S100B: variants seen among roughly 807,000 people sequenced by gnomAD.
S100B encodes S100 calcium binding protein B, also known as protein S100-B.
A neutral mutation model predicts 7.7 loss-of-function variants in S100B; 6 were observed. The ratio of observed to expected loss-of-function variants is 0.78; its 90% confidence interval spans 0.43 to 1.54. S100B has a LOEUF of 1.54. Among genes scored for constraint, S100B ranks in the 40% most tolerant of loss-of-function variants. The probability of loss-of-function intolerance (pLI) is 0.01; values close to 1 mark genes in which losing one functional copy is unlikely to be tolerated. For synonymous variants in S100B, 36 were observed against 40.4 expected (o/e 0.89, Z 0.41); for missense variants, 99 against 111.8 (o/e 0.89, Z 0.52).
At chr21:46,604,085 T>G (rs2061050720) in intron 1 of S100B, among the ~76,000 whole-genome samples, 1 of 152,226 alleles carries the variant, frequency 6.6e-6, no homozygotes, top group African/African-American at 2.4e-5. Flanking sequence ...CTAATGGGAT[T>G]ATTACAAAGG....
At chr21:46,602,617 G>A in intron 1 of S100B, 1 of 521,040 alleles carries the variant, frequency 1.9e-6, no homozygotes, top group Non-Finnish European at 3.3e-6. Context: ...CGGCCTCTTA[G>A]ACAGCTGTGG....
Position 46,599,353 on chromosome 21 carries a change from C to G in S100B, c.*10G>C, listed in dbSNP as rs1569136728. The G allele has an allele frequency of 6.2e-7, 1 of 1,612,866 alleles. No homozygotes were observed. The highest frequency in any genetic ancestry group is 8.5e-7 in the Non-Finnish European group (1 of 1,179,528). On this transcript the variant is annotated 3_prime_UTR_variant, in exon 3 of 3. Coordinates refer to ENST00000291700, the MANE Select transcript of S100B (RefSeq NM_006272.3). ...CTCTGTTACAGGAAAGGTTTGGCTG[C>G]TTTCTAATCTCACTCATGTTCAAAG... is the stretch of plus-strand genomic sequence containing the variant.
rs564547722 is a variant in S100B at position 46,602,323 on chromosome 21, G to C, written c.93C>G (p.Ser31=). ...CATTGTTGATGAGCTCCTTCAGTTC[G>C]GATTTCTTCAGCTTGTGCTTGTCTC... The part of the protein sequence containing the change: ...REGDKHKLKK[S]ELKELINNEL... The change falls in exon 2 of 3, where the codon TCC becomes TCG. Residue 31 remains serine (S), a synonymous_variant. Transcript: ENST00000291700. 9 of 1,613,752 alleles carry C rather than the reference G, an allele frequency of 5.6e-6. No homozygotes were observed. The African/African-American group carries it at 9.3e-5, about 17-fold the overall frequency.
At chr21:46,600,879 T>C (rs2061039518) in intron 2 of S100B, among the ~76,000 whole-genome samples, 1 of 152,216 alleles carries the variant, frequency 6.6e-6, no homozygotes, top group African/African-American at 2.4e-5. Flanking sequence ...ACAGCCCTTG[T>C]TCAGAAGAAG....
At chr21:46,604,610 C>T (rs2061052294) in intron 1 of S100B, among the ~76,000 whole-genome samples, 1 of 152,180 alleles carries the variant, frequency 6.6e-6, no homozygotes, top group African/African-American at 2.4e-5. Flanking sequence ...AAAAGGGAAG[C>T]ATTTATTTAT....
intron 1 of S100B, among the ~76,000 whole-genome samples, chr21:46,604,763 A>AACCTG (rs2061052760): frequency 6.6e-6 from 1 of 152,152 alleles, no homozygotes; most frequent in Non-Finnish European, 1.5e-5. Context: ...TGGGCCATGA[A>AACCTG]ACCTGACGTT....
chr21:46,601,048 T>C (rs80106556), intron 2 of S100B, among the ~76,000 whole-genome samples: 7,053 of 152,212 alleles, frequency 0.046, 214 homozygotes, highest in Non-Finnish European at 0.061. Flanking sequence ...CAGGCCTGTC[T>C]GCTCCACTCT....
At position 46,603,392 on chromosome 21, in the gene S100B, A is replaced by AGGGGGTGGGGGGAGGGGGGAGGCGGGGGG. The variant is rs796474856; in HGVS notation, c.-1-977_-1-976insCCCCCCGCCTCCCCCCTCCCCCCACCCCC. Among the ~76,000 whole-genome samples, 160 of 38,224 alleles carry AGGGGGTGGGGGGAGGGGGGAGGCGGGGGG rather than the reference A, an allele frequency of 4.2e-3. 1 individual carries two copies. Among genetic ancestry groups the AGGGGGTGGGGGGAGGGGGGAGGCGGGGGG allele is most frequent in the Admixed American group, 5.4e-3 (16 of 2,940 alleles). 25.1% of individuals were successfully genotyped at this position (38,224 alleles called of 152,430 possible). A position where few individuals can be genotyped will look rare whatever the true frequency, so the allele number is the denominator to read the frequency against. On this transcript the variant is annotated intron_variant, in intron 1 of 2. Coordinates refer to ENST00000291700, the MANE Select transcript of S100B (RefSeq NM_006272.3). Reference sequence around the variant, plus strand: ...TCACTGCAGTGACTGGGACGGCGGGAGGGGGTGGGGGCAGGAATAGGTGTT... The same window carrying AGGGGGTGGGGGGAGGGGGGAGGCGGGGGG: ...TCACTGCAGTGACTGGGACGGCGGGAGGGGGTGGGGGGAGGGGGGAGGCGGGGGGGGGGGTGGGGGCAGGAATAGGTGTT...
chr21:46,603,838 T>C (rs2061050070), intron 1 of S100B, among the ~76,000 whole-genome samples: 1 of 152,252 alleles, frequency 6.6e-6, no homozygotes, highest in Non-Finnish European at 1.5e-5. Context: ...TATTTTGCTC[T>C]TGAGTCCCTA....
Position 46,599,090 on chromosome 21 carries a change from A to G in S100B, c.*273T>C, listed in dbSNP as rs1223398809. On this transcript the variant is annotated 3_prime_UTR_variant, in exon 3 of 3. Transcript: ENST00000291700. ...TGGCGGGCTGCACGGTGCACGCTTT[A>G]TCACTGAGACCTGACTCCTAAGTTA... The G allele has an allele frequency of 2.1e-6, 1 of 475,448 alleles. No homozygotes were observed. The highest frequency in any genetic ancestry group is 3.7e-6 in the Non-Finnish European group (1 of 269,786). 29.5% of individuals were successfully genotyped at this position (475,448 alleles called of 1,614,324 possible).
In S100B at chr21:46,599,359, A is replaced by G. The variant is rs187503470; in HGVS notation, c.*4T>C. The G allele has an allele frequency of 6.8e-6, 11 of 1,613,158 alleles. No individual in the cohort carries two copies. In the East Asian group the frequency reaches 1.6e-4, roughly 23 times the overall value. On this transcript the variant is annotated 3_prime_UTR_variant, in exon 3 of 3. Coordinates refer to ENST00000291700, the MANE Select transcript of S100B (RefSeq NM_006272.3). ...TACAGGAAAGGTTTGGCTGCTTTCT[A>G]ATCTCACTCATGTTCAAAGAACTCG...
chr21:46,601,627 G>A (rs1940174178), intron 2 of S100B, among the ~76,000 whole-genome samples: 1 of 152,214 alleles, frequency 6.6e-6, no homozygotes, highest in Non-Finnish European at 1.5e-5. Flanking sequence ...CCCCCACACA[G>A]CTTCCTAAAG....
intron 2 of S100B, among the ~76,000 whole-genome samples, chr21:46,599,932 T>C (rs2061036917): frequency 6.6e-6 from 1 of 152,270 alleles, no homozygotes; most frequent in South Asian, 2.1e-4. Flanking sequence ...GTCTTCTTTG[T>C]TGCTGAAGTA....
At position 46,602,623 on chromosome 21, in the gene S100B, T is replaced by C. The variant is rs534776675; in HGVS notation, c.-1-207A>G. 3.2e-4 allele frequency: 159 copies of C among 502,828 alleles called. 1 individual carries two copies. The highest frequency in any genetic ancestry group is 2.9e-3 in the African/African-American group (150 of 51,786). 31.1% of individuals were successfully genotyped at this position (502,828 alleles called of 1,614,324 possible). ...TCCTTCCACCGGCCTCTTAGACAGCTGTGGGCCTGCCTTCTCTGTCCGTGT... is the reference window on the plus strand; with the variant it reads ...TCCTTCCACCGGCCTCTTAGACAGCCGTGGGCCTGCCTTCTCTGTCCGTGT... On this transcript the variant is annotated intron_variant, in intron 1 of 2. Coordinates refer to ENST00000291700, the MANE Select transcript of S100B (RefSeq NM_006272.3).
Position 46,598,715 on chromosome 21 carries a change from C to T in S100B, c.*648G>A, listed in dbSNP as rs936143572. Among the ~76,000 whole-genome samples the T allele has an allele frequency of 6.6e-6, 1 of 152,248 alleles. No homozygotes were observed. Among genetic ancestry groups the T allele is most frequent in the Non-Finnish European group, 1.5e-5 (1 of 68,050 alleles). The stretch of plus-strand genomic sequence containing the variant: ...AGGCACGTTGGAGGCAAGGATCCTG[C>T]AGCCGCGACTTGAATCGCATGGGTC... On this transcript the variant is annotated 3_prime_UTR_variant, in exon 3 of 3. Coordinates refer to ENST00000291700, the MANE Select transcript of S100B (RefSeq NM_006272.3).
At chr21:46,601,350 C>T (rs2061040861) in intron 2 of S100B, among the ~76,000 whole-genome samples, 1 of 152,176 alleles carries the variant, frequency 6.6e-6, no homozygotes, top group African/African-American at 2.4e-5. Context: ...GGAAGCCCTT[C>T]ACTACGTTTC....
intron 1 of S100B, among the ~76,000 whole-genome samples, chr21:46,603,398 T>TGGGGGGAGGGGGGGGCGGGGGGGGG: frequency 4.6e-4 from 24 of 52,092 alleles, no homozygotes; most frequent in South Asian, 1.0e-3. Flanking sequence ...CGGGAGGGGG[T>TGGGGGGAGGGGGGGGCGGGGGGGGG]GGGGGCAGGA....
intron 1 of S100B, 176 bp from the exon 2 acceptor site, chr21:46,602,592 T>C: frequency 3.4e-6 from 2 of 586,978 alleles, no homozygotes; most frequent in Non-Finnish European, 5.8e-6. Flanking sequence ...TGCACTTTTA[T>C]CATAATCCTT....
At chr21:46,602,504 C>T in intron 1 of S100B, 88 bp from the exon 2 acceptor site, 1 of 1,362,400 alleles carries the variant, frequency 7.3e-7, no homozygotes. Flanking sequence ...TCAACCCAGA[C>T]AAGGGGGATG....
Sources: gnomAD v4.1 joint callset for allele counts (sites outside exome capture counted in the v4.1 genomes callset) on GRCh38, gnomAD v4.1.1 for gene constraint, MANE v1.5 for transcripts, NCBI Gene and HGNC (gene_info 2026-07-23, HGNC 2026-07-21) for gene names.